CHRM3: variants seen among roughly 807,000 people sequenced by gnomAD.
CHRM3 encodes muscarinic acetylcholine receptor M3.
CHRM3 carries 11 observed loss-of-function variants against 41.8 expected under a neutral mutation model. The ratio of observed to expected loss-of-function variants is 0.26; its 90% CI spans 0.17 to 0.44. CHRM3 has a LOEUF of 0.44. Ranked by LOEUF, CHRM3 falls within the 20% of genes least tolerant of loss-of-function variation. The pLI is 1.00. For synonymous variants in CHRM3, 297 were observed against 301.4 expected (o/e 0.99, Z 0.15); for missense variants, 571 against 745.4 (o/e 0.77, Z 2.72).
rs1680173991 is a variant in CHRM3 at position 239,908,727 on chromosome 1, A to G, written c.1276A>G (p.Lys426Glu). ...AGGCAGTTTTCCAAAAAGCTTCTCC[A>G]AGCTTCCCATCCAGCTAGAGTCAGC... ...DGGSFPKSFSKLPIQLESAVD... is the reference protein window; with the variant it reads ...DGGSFPKSFSELPIQLESAVD... The change falls in exon 7 of 7, where the codon AAG becomes GAG. Residue 426 changes from lysine (K) to glutamate (E), a missense_variant. Coordinates refer to ENST00000676153, the MANE Select transcript of CHRM3 (RefSeq NM_001375978.1). This position sits in a 1 kb window ranked among gnomAD's most constrained non-coding sequence, Gnocchi z 7.2. 4 of 1,613,480 alleles carry G rather than the reference A, an allele frequency of 2.5e-6. No homozygotes were observed. The highest frequency in any genetic ancestry group is 3.4e-6 in the Non-Finnish European group (4 of 1,179,800).
At chr1:239,536,471 G>T (rs1226273341) in intron 2 of CHRM3, among the ~76,000 whole-genome samples, 1 of 152,110 alleles carries the variant, frequency 6.6e-6, no homozygotes, top group African/African-American at 2.4e-5. Context: ...CAAAGACTAA[G>T]GACAATTTTT....
chr1:239,581,720 AT>A (rs1662917239), intron 3 of CHRM3, among the ~76,000 whole-genome samples: 1 of 152,206 alleles, frequency 6.6e-6, no homozygotes, highest in Admixed American at 6.6e-5. Context: ...TAGTATCCCT[AT>A]TTTATAAATG....
intron 1 of CHRM3, among the ~76,000 whole-genome samples, chr1:239,457,808 A>T (rs1295751528): frequency 6.6e-6 from 1 of 152,232 alleles, no homozygotes; most frequent in Non-Finnish European, 1.5e-5. Context: ...TTTGAAGGAT[A>T]TGAGAAAAAT....
chr1:239,766,782 G>A (rs900737440), intron 5 of CHRM3, among the ~76,000 whole-genome samples: 15 of 152,130 alleles, frequency 9.9e-5, no homozygotes, highest in Admixed American at 8.5e-4. Context: ...TGCGATCTGG[G>A]CTCACTGCCA....
intron 5 of CHRM3, among the ~76,000 whole-genome samples, chr1:239,744,402 C>A (rs1257005631): frequency 1.3e-5 from 2 of 151,984 alleles, no homozygotes; most frequent in Non-Finnish European, 2.9e-5. Flanking sequence ...TAGCAGATTG[C>A]AATTTTAGGT....
At chr1:239,854,266 G>A (rs544615654) in intron 6 of CHRM3, among the ~76,000 whole-genome samples, 1 of 152,160 alleles carries the variant, frequency 6.6e-6, no homozygotes, top group East Asian at 1.9e-4. Context: ...GAAAATGGAT[G>A]CTTCCAGATT....
At chr1:239,456,705 T>A (rs985192425) in intron 1 of CHRM3, among the ~76,000 whole-genome samples, 4 of 152,074 alleles carry the variant, frequency 2.6e-5, no homozygotes, top group Non-Finnish European at 5.9e-5. Flanking sequence ...TGGATGAGGG[T>A]ATCCAGGGTG....
chr1:239,793,893 G>A (rs1303977568), intron 5 of CHRM3, among the ~76,000 whole-genome samples: 1 of 132,036 alleles, frequency 7.6e-6, no homozygotes, highest in African/African-American at 2.9e-5. Context: ...GCTCACTGCA[G>A]CCTCAACCTC....
At chr1:239,794,246 G>A (rs1265944558) in intron 5 of CHRM3, among the ~76,000 whole-genome samples, 2 of 152,130 alleles carry the variant, frequency 1.3e-5, no homozygotes, top group Admixed American at 6.5e-5. Flanking sequence ...ACAGTACAGA[G>A]ATCACAGTGA....
chr1:239,535,882 G>A (rs895208044), intron 2 of CHRM3, among the ~76,000 whole-genome samples: 1 of 152,118 alleles, frequency 6.6e-6, no homozygotes, highest in Non-Finnish European at 1.5e-5. Context: ...GGTACAGGGT[G>A]TTGCAGTTTG....
At chr1:239,558,054 T>C (rs1660531671) in intron 3 of CHRM3, among the ~76,000 whole-genome samples, 1 of 152,224 alleles carries the variant, frequency 6.6e-6, no homozygotes, top group Non-Finnish European at 1.5e-5. Context: ...CTCTGAGGAA[T>C]CACCAGATGT....
chr1:239,785,238 A>T (rs1668798349), intron 5 of CHRM3, among the ~76,000 whole-genome samples: 1 of 152,208 alleles, frequency 6.6e-6, no homozygotes, highest in Admixed American at 6.5e-5. Context: ...GTTCAGGTCC[A>T]GCATCCTCAG....
At chr1:239,843,030 A>C (rs956629946) in intron 6 of CHRM3, among the ~76,000 whole-genome samples, 1 of 152,164 alleles carries the variant, frequency 6.6e-6, no homozygotes, top group Admixed American at 6.5e-5. Context: ...AGATCCCACC[A>C]CACACTTAAT....
chr1:239,504,807 C>G (rs1289716353), intron 2 of CHRM3, among the ~76,000 whole-genome samples: 1 of 151,798 alleles, frequency 6.6e-6, no homozygotes, highest in Non-Finnish European at 1.5e-5. Flanking sequence ...TGAAGTAACT[C>G]AGGAATGGAA....
intron 5 of CHRM3, chr1:239,704,309 CATG>C (rs1660945728): frequency 6.6e-6 from 1 of 151,940 alleles, no homozygotes; most frequent in African/African-American, 2.4e-5. Context: ...TGACCTTGGA[CATG>C]ATATGTGTGT....
At chr1:239,599,461 G>A (rs1665242381) in intron 3 of CHRM3, among the ~76,000 whole-genome samples, 1 of 148,792 alleles carries the variant, frequency 6.7e-6, no homozygotes, top group African/African-American at 2.5e-5. Flanking sequence ...CTGTATTTAA[G>A]GGTTTCCCAT....
intron 5 of CHRM3, among the ~76,000 whole-genome samples, chr1:239,684,463 G>C (rs1203510174): frequency 1.3e-5 from 2 of 152,086 alleles, no homozygotes; most frequent in African/African-American, 4.8e-5. Context: ...GGAGGCCGAG[G>C]AGTGCGGATC....
intron 5 of CHRM3, among the ~76,000 whole-genome samples, chr1:239,790,826 C>T (rs1178333853): frequency 1.3e-5 from 2 of 152,136 alleles, no homozygotes; most frequent in African/African-American, 4.8e-5. Context: ...TGTGCTTGGG[C>T]CTCAAAATAT....
chr1:239,715,862 A>C (rs1427869053), intron 5 of CHRM3, among the ~76,000 whole-genome samples: 2 of 152,074 alleles, frequency 1.3e-5, no homozygotes, highest in Non-Finnish European at 2.9e-5. Context: ...GTTTGTACAT[A>C]CTGTTGGATT....
Sources: allele counts gnomAD v4.1 joint callset (sites outside exome capture counted in the v4.1 genomes callset), GRCh38; gene constraint gnomAD v4.1.1; non-coding constraint Gnocchi (gnomAD v3.1); transcripts MANE v1.5; gene names NCBI Gene and HGNC (gene_info 2026-07-23, HGNC 2026-07-21).